The following TSPAN18 variants were observed in gnomAD, a reference collection of about 807,000 sequenced individuals.
The protein encoded by TSPAN18 is tetraspanin 18, also known as tetraspanin-18.
A neutral mutation model predicts 27.3 loss-of-function variants in TSPAN18; 14 were observed. The ratio of observed to expected loss-of-function variants is 0.51; its 90% CI spans 0.34 to 0.80. The LOEUF (loss-of-function observed/expected upper bound fraction) is 0.80, where lower values mean the gene tolerates loss of function less well. Ranked by LOEUF, TSPAN18 falls within the 30% of genes least tolerant of loss-of-function variation. The pLI, the probability that TSPAN18 is intolerant of heterozygous loss-of-function variation, is 0.01. For synonymous variants in TSPAN18, 143 were observed against 136.5 expected (o/e 1.05, Z -0.33); for missense variants, 268 against 323.9 (o/e 0.83, Z 1.32).
At chr11:44,908,761 A>AG (rs1859556463) in intron 4 of TSPAN18, among the ~76,000 whole-genome samples, 1 of 35,906 alleles carries the variant, frequency 2.8e-5, no homozygotes, top group African/African-American at 1.0e-4. Flanking sequence ...AGAGAGAGAG[A>AG]GAGAAAGGAG....
chr11:44,851,453 A>G (rs1214668888), intron 2 of TSPAN18, among the ~76,000 whole-genome samples: 2 of 152,160 alleles, frequency 1.3e-5, no homozygotes, highest in Non-Finnish European at 2.9e-5. Flanking sequence ...GCTCCCTGGA[A>G]ATGTCTCCAT....
At chr11:44,824,354 G>A (rs1029823496) in intron 2 of TSPAN18, among the ~76,000 whole-genome samples, 1 of 152,230 alleles carries the variant, frequency 6.6e-6, no homozygotes, top group South Asian at 2.1e-4. Flanking sequence ...TCTTTGGGGG[G>A]CCTCTGATCA....
chr11:44,898,567 C>G (rs916146916), intron 3 of TSPAN18, among the ~76,000 whole-genome samples: 1 of 152,220 alleles, frequency 6.6e-6, no homozygotes, highest in African/African-American at 2.4e-5. Context: ...TCTTACAGTT[C>G]TGGAGGCTGG....
At chr11:44,776,210 C>T (rs886948816) in intron 2 of TSPAN18, among the ~76,000 whole-genome samples, 1 of 152,240 alleles carries the variant, frequency 6.6e-6, no homozygotes, top group Admixed American at 6.5e-5. Context: ...CACCCTGGGC[C>T]GGGACTCAGG....
intron 3 of TSPAN18, among the ~76,000 whole-genome samples, chr11:44,897,478 CCATGCTAGAAT>C (rs1368407470): frequency 1.3e-5 from 2 of 152,174 alleles, no homozygotes; most frequent in African/African-American, 4.8e-5. Flanking sequence ...TACATGAAGC[CCATGCTAGAAT>C]CTGCAAGTCT....
At chr11:44,915,876 G>A (rs560460665) in intron 5 of TSPAN18, among the ~76,000 whole-genome samples, 3 of 152,308 alleles carry the variant, frequency 2.0e-5, no homozygotes, top group East Asian at 3.9e-4. Flanking sequence ...GGTGCCCGGC[G>A]GTCCCCTGTG....
intron 2 of TSPAN18, among the ~76,000 whole-genome samples, chr11:44,786,232 C>T (rs1856054187): frequency 6.6e-6 from 1 of 152,242 alleles, no homozygotes; most frequent in Non-Finnish European, 1.5e-5. Context: ...CTCTGTTTGA[C>T]AGATGAGCAG....
At position 44,931,621 on chromosome 11, in the gene TSPAN18, C is replaced by T. The variant is rs1241487029; in HGVS notation, c.*2443C>T. Reference sequence around the variant, plus strand: ...TCTTAGGCTGGAAAGGGAAGACAGGCAGTTTCTGCTCCTGTTGGCATTCGC... The same window carrying T: ...TCTTAGGCTGGAAAGGGAAGACAGGTAGTTTCTGCTCCTGTTGGCATTCGC... On this transcript the variant is annotated 3_prime_UTR_variant, in exon 10 of 10. Coordinates refer to ENST00000520358, the MANE Select transcript of TSPAN18 (RefSeq NM_130783.5). 6.6e-6 allele frequency: 1 copy of T among 152,330 alleles called. No individual in the cohort carries two copies. Among genetic ancestry groups the T allele is most frequent in the Non-Finnish European group, 1.5e-5 (1 of 68,120 alleles). 9.4% of individuals were successfully genotyped at this position (152,330 alleles called of 1,614,324 possible).
At chr11:44,818,681 T>C (rs1328742735) in intron 2 of TSPAN18, among the ~76,000 whole-genome samples, 1 of 152,178 alleles carries the variant, frequency 6.6e-6, no homozygotes, top group Non-Finnish European at 1.5e-5. Flanking sequence ...CTGACTGTTA[T>C]CCTTGCAAGG....
At chr11:44,805,246 G>T (rs1254731492) in intron 2 of TSPAN18, among the ~76,000 whole-genome samples, 1 of 152,222 alleles carries the variant, frequency 6.6e-6, no homozygotes, top group Non-Finnish European at 1.5e-5. Flanking sequence ...AATGGGAGCG[G>T]CAGATGCGTG....
At chr11:44,784,308 C>T (rs1418948952) in intron 2 of TSPAN18, among the ~76,000 whole-genome samples, 2 of 152,138 alleles carry the variant, frequency 1.3e-5, no homozygotes, top group Non-Finnish European at 1.5e-5. Flanking sequence ...CCTGTACCAG[C>T]GTATGTCAGC....
intron 2 of TSPAN18, among the ~76,000 whole-genome samples, chr11:44,795,725 C>T (rs1856334546): frequency 6.6e-6 from 1 of 152,042 alleles, no homozygotes; most frequent in Non-Finnish European, 1.5e-5. Context: ...ACATTTCATT[C>T]ACCAGACCCC....
intron 3 of TSPAN18, among the ~76,000 whole-genome samples, chr11:44,870,239 C>T (rs553358606): frequency 6.6e-6 from 1 of 152,292 alleles, no homozygotes; most frequent in South Asian, 2.1e-4. Context: ...CATACATTTG[C>T]CATCAGTCCC....
intron 2 of TSPAN18, among the ~76,000 whole-genome samples, chr11:44,803,874 T>C (rs1299065452): frequency 6.6e-6 from 1 of 152,130 alleles, no homozygotes; most frequent in Non-Finnish European, 1.5e-5. Context: ...AGGGCAAAAA[T>C]GTTATGATTC....
At chr11:44,787,007 C>T (rs1034864606) in intron 2 of TSPAN18, among the ~76,000 whole-genome samples, 1 of 152,074 alleles carries the variant, frequency 6.6e-6, no homozygotes, top group African/African-American at 2.4e-5. Flanking sequence ...AGGCAAACTG[C>T]TCTGACTATT....
intron 1 of TSPAN18, among the ~76,000 whole-genome samples, chr11:44,754,571 G>T (rs957777641): frequency 6.6e-6 from 1 of 152,172 alleles, no homozygotes; most frequent in African/African-American, 2.4e-5. Flanking sequence ...TGGTATCTTT[G>T]CTCAAACAGC....
chr11:44,871,148 TGTCTGTCATTTGCA>T (rs1858183339), intron 3 of TSPAN18, among the ~76,000 whole-genome samples: 1 of 152,230 alleles, frequency 6.6e-6, no homozygotes, highest in African/African-American at 2.4e-5. Context: ...TTACTCTTGC[TGTCTGTCATTTGCA>T]GTTTGGGCTA....
At chr11:44,925,956 T>G in intron 8 of TSPAN18, among the ~76,000 whole-genome samples, 1 of 152,106 alleles carries the variant, frequency 6.6e-6, no homozygotes, top group Non-Finnish European at 1.5e-5. Flanking sequence ...CCTATCTCTA[T>G]CTATCTATCT....
chr11:44,777,681 T>G (rs1240426415), intron 2 of TSPAN18, among the ~76,000 whole-genome samples: 1 of 152,168 alleles, frequency 6.6e-6, no homozygotes, highest in Non-Finnish European at 1.5e-5. Flanking sequence ...GGAAATGAAT[T>G]CATTCTCTCT....
Sources: gnomAD v4.1 joint callset for allele counts (sites outside exome capture counted in the v4.1 genomes callset) on GRCh38, gnomAD v4.1.1 for gene constraint, MANE v1.5 for transcripts, NCBI Gene and HGNC (gene_info 2026-07-23, HGNC 2026-07-21) for gene names.